Variants in SGCB observed in about 807,000 individuals in gnomAD.
SGCB encodes the protein beta-sarcoglycan.
SGCB carries 25 observed loss-of-function variants against 27.3 expected under a neutral mutation model. The ratio of observed to expected loss-of-function variants is 0.92; its 90% CI spans 0.67 to 1.28. SGCB has a LOEUF of 1.28. Ranked by LOEUF, SGCB falls within the 50% of genes most tolerant of loss-of-function variation. SGCB has a pLI of 0.00. For missense variants in SGCB, 436 were observed against 402.1 expected, an observed-to-expected ratio of 1.08 and a Z score of -0.72; for synonymous variants, 147 against 133.5, an observed-to-expected ratio of 1.10 and a Z score of -0.70.
At chr4:52,034,101 G>A (rs1210003003) in intron 1 of SGCB, among the ~76,000 whole-genome samples, 1 of 151,728 alleles carries the variant, frequency 6.6e-6, no homozygotes, top group African/African-American at 2.4e-5. Context: ...GGAGGCTGAG[G>A]CGGGTGGATC....
At position 52,028,925 on chromosome 4, in the gene SGCB, CA is replaced by C. The variant is rs762831481; in HGVS notation, c.430-5del. 1.4e-5 allele frequency: 22 copies of C among 1,601,940 alleles called. No individual in the cohort carries two copies. The highest frequency in any genetic ancestry group is 1.7e-5 in the Admixed American group (1 of 59,486). ...TTGTCCCTTGCTGAAAAACAATCTTCAAAAAAAACAGTTTATTGTGAATATA... is the reference window on the plus strand; with the variant it reads ...TTGTCCCTTGCTGAAAAACAATCTTCAAAAAAACAGTTTATTGTGAATATA... On this transcript the variant is annotated splice_polypyrimidine_tract_variant and splice_region_variant and intron_variant, in intron 3 of 5. Coordinates refer to ENST00000381431, the MANE Select transcript of SGCB (RefSeq NM_000232.5).
intron 1 of SGCB, among the ~76,000 whole-genome samples, chr4:52,035,238 G>A (rs747865843): frequency 5.3e-5 from 8 of 152,152 alleles, no homozygotes; most frequent in Non-Finnish European, 2.9e-5. Flanking sequence ...CCATAGATAG[G>A]AATACAAAAG....
In SGCB at chr4:52,038,221, A is replaced by C. The variant is rs886044523; in HGVS notation, c.33+6T>G. On this transcript the variant is annotated splice_donor_region_variant and intron_variant, in intron 1 of 5. Coordinates refer to ENST00000381431, the MANE Select transcript of SGCB (RefSeq NM_000232.5). ...CCAGCCCGCGGCCGCGGCGGTACTC[A>C]CAGACCTGTTCTGCAGCCGCCGCCG... 9 of 1,268,424 alleles carry C rather than the reference A, an allele frequency of 7.1e-6. No homozygotes were observed. The highest frequency in any genetic ancestry group is 9.0e-6 in the Non-Finnish European group (9 of 1,004,332). The allele number at this position is 1,268,424 out of a possible 1,614,324, so 78.6% of individuals were successfully genotyped here.
intron 5 of SGCB, among the ~76,000 whole-genome samples, chr4:52,027,612 C>A (rs1418969205): frequency 8.0e-5 from 10 of 125,702 alleles, no homozygotes; most frequent in South Asian, 2.5e-4. Flanking sequence ...CCTTCTAAAA[C>A]AATACAAGTG....
chr4:52,029,011 T>A, intron 3 of SGCB, 90 bp from the exon 4 acceptor site: 1 of 973,082 alleles, frequency 1.0e-6, no homozygotes, highest in Non-Finnish European at 1.6e-6. Context: ...TTACAAAAAT[T>A]ACAGAAATTT....
intron 1 of SGCB, among the ~76,000 whole-genome samples, chr4:52,034,063 G>A (rs898410581): frequency 1.3e-5 from 2 of 151,786 alleles, no homozygotes; most frequent in African/African-American, 4.8e-5. Flanking sequence ...CAGGCGCGGT[G>A]GCTCAGGCCT....
At chr4:52,033,722 A>G in intron 1 of SGCB, 82 bp from the exon 2 acceptor site, 1 of 1,041,072 alleles carries the variant, frequency 9.6e-7, no homozygotes, top group Non-Finnish European at 1.5e-6. Flanking sequence ...ATTCATAGCT[A>G]TAGCAAGCTG....
At chr4:52,032,035 G>A in intron 2 of SGCB, 1 of 449,264 alleles carries the variant, frequency 2.2e-6, no homozygotes, top group South Asian at 1.6e-5. Flanking sequence ...GTTTCAGTAT[G>A]GAAACCCAAC....
intron 1 of SGCB, among the ~76,000 whole-genome samples, chr4:52,036,711 C>T (rs1737402729): frequency 1.3e-5 from 2 of 152,168 alleles, no homozygotes; most frequent in Admixed American, 6.5e-5. Flanking sequence ...TCGAAGATGA[C>T]TCCCAAATAG....
intron 1 of SGCB, 23 bp from the exon 2 acceptor site, chr4:52,033,663 T>C (rs1737309326): frequency 1.3e-6 from 2 of 1,558,532 alleles, no homozygotes; most frequent in African/African-American, 1.4e-5. Context: ...TACAACATAA[T>C]GGAACAGCTA....
intron 1 of SGCB, among the ~76,000 whole-genome samples, chr4:52,033,977 G>T (rs974840884): frequency 1.3e-5 from 2 of 151,688 alleles, no homozygotes; most frequent in African/African-American, 2.4e-5. Flanking sequence ...ATTTTTTTAC[G>T]TATACAACTG....
chr4:52,022,851 A>G lies in SGCB; in HGVS notation c.*1106T>C, dbSNP rs1419900031. On this transcript the variant is annotated 3_prime_UTR_variant, in exon 6 of 6. Transcript: ENST00000381431. ...TAGGTAAATTTGACCTCTCCATCGT[A>G]TAATATTTTGGAATTGGCCCAACAT... The G allele has an allele frequency of 6.6e-6, 1 of 152,202 alleles. No individual in the cohort carries two copies. The highest frequency in any genetic ancestry group is 2.4e-5 in the African/African-American group (1 of 41,468). The allele number at this position is 152,202 out of a possible 1,614,324, so 9.4% of individuals were successfully genotyped here.
At chr4:52,030,762 T>TA (rs1737225959) in intron 2 of SGCB, among the ~76,000 whole-genome samples, 1 of 152,232 alleles carries the variant, frequency 6.6e-6, no homozygotes, top group African/African-American at 2.4e-5. Flanking sequence ...TCTCTTCTGA[T>TA]AGACACCCAG....
intron 2 of SGCB, chr4:52,031,763 G>A: frequency 3.1e-6 from 1 of 320,558 alleles, no homozygotes; most frequent in Non-Finnish European, 6.3e-6. Context: ...TTGATCCCTG[G>A]CTCAGTATTC....
In SGCB at chr4:52,027,413, A is replaced by G. The variant is rs912160908; in HGVS notation, c.753+555T>C. 3.3e-5 allele frequency among the ~76,000 whole-genome samples: 5 copies of G among 151,890 alleles called. No homozygotes were observed. The South Asian group carries it at 6.2e-4, about 19-fold the overall frequency. On this transcript the variant is annotated intron_variant, in intron 5 of 5. Coordinates refer to ENST00000381431, the MANE Select transcript of SGCB (RefSeq NM_000232.5). The stretch of plus-strand genomic sequence containing the variant: ...TTTCCTTTACAATTAATAATAGATT[A>G]AAAATACATTTTTAATAAAAATATC...
At chr4:52,037,975 C>T (rs1018420902) in intron 1 of SGCB, among the ~76,000 whole-genome samples, 1 of 152,174 alleles carries the variant, frequency 6.6e-6, no homozygotes, top group African/African-American at 2.4e-5. Context: ...GGAGACCCCT[C>T]CTCACCCCCT....
At position 52,023,271 on chromosome 4, in the gene SGCB, T is replaced by C. The variant is rs1329643213; in HGVS notation, c.*686A>G. On this transcript the variant is annotated 3_prime_UTR_variant, in exon 6 of 6. Coordinates refer to ENST00000381431, the MANE Select transcript of SGCB (RefSeq NM_000232.5). Reference sequence around the variant, plus strand: ...AATGCCTAGGACAATGCCTAGGATGTAGAAGATGCTCAATAAAGATAGTTA... The same window carrying C: ...AATGCCTAGGACAATGCCTAGGATGCAGAAGATGCTCAATAAAGATAGTTA... The C allele has an allele frequency of 6.6e-6, 1 of 152,474 alleles. No individual in the cohort carries two copies. Among genetic ancestry groups the C allele is most frequent in the Admixed American group, 6.5e-5 (1 of 15,292 alleles). 9.4% of individuals were successfully genotyped at this position (152,474 alleles called of 1,614,324 possible).
chr4:52,027,770 A>G (rs1737138354), intron 5 of SGCB, among the ~76,000 whole-genome samples, 198 bp downstream of exon 5: 1 of 152,220 alleles, frequency 6.6e-6, no homozygotes. Flanking sequence ...ATAAACATAC[A>G]TATGTTCTGA....
chr4:52,031,004 G>A (rs1018522778), intron 2 of SGCB, among the ~76,000 whole-genome samples: 3 of 152,080 alleles, frequency 2.0e-5, no homozygotes, highest in African/African-American at 7.2e-5. Context: ...GCTGCTTTTG[G>A]GAGGTCCTAT....
Sources: gnomAD v4.1 joint callset for allele counts (sites outside exome capture counted in the v4.1 genomes callset) on GRCh38, gnomAD v4.1.1 for gene constraint, MANE v1.5 for transcripts, NCBI Gene and HGNC (gene_info 2026-07-23, HGNC 2026-07-21) for gene names.